USP13: variants seen among roughly 807,000 people sequenced by gnomAD.
USP13 encodes the protein ubiquitin specific peptidase 13.
USP13 carries 68 observed loss-of-function variants against 107.8 expected under a neutral mutation model. The ratio of observed to expected loss-of-function variants is 0.63; its 90% CI spans 0.52 to 0.77. The LOEUF is 0.77. Ranked by LOEUF, USP13 falls within the 30% of genes least tolerant of loss-of-function variation. The probability of loss-of-function intolerance (pLI) is 0.00; values close to 1 mark genes in which losing one functional copy is unlikely to be tolerated. For synonymous variants in USP13, 377 were observed against 389.5 expected (o/e 0.97, Z 0.38); for missense variants, 945 against 1,093.3 (o/e 0.86, Z 1.91).
chr3:179,775,363 GAC>G (rs779384664), intron 19 of USP13, among the ~76,000 whole-genome samples: 5 of 152,238 alleles, frequency 3.3e-5, no homozygotes, highest in Non-Finnish European at 7.3e-5. Flanking sequence ...CCCCAAGCTA[GAC>G]ACAGAGTGCT....
intron 6 of USP13, among the ~76,000 whole-genome samples, chr3:179,715,978 G>A (rs2108489724): frequency 6.6e-6 from 1 of 152,278 alleles, no homozygotes; most frequent in South Asian, 2.1e-4. Context: ...AGGCTGCAGT[G>A]CAGTGGTGTA....
At position 179,653,724 on chromosome 3, in the gene USP13, T is replaced by G; in HGVS notation, c.168+331T>G. The G allele has an allele frequency of 8.4e-6, 2 of 237,804 alleles. No homozygotes were observed. Among genetic ancestry groups the G allele is most frequent in the Non-Finnish European group, 1.6e-5 (2 of 121,478 alleles). The allele number at this position is 237,804 out of a possible 1,614,324, so 14.7% of individuals were successfully genotyped here. Reference sequence around the variant, plus strand: ...AACTGCACGTTGCAGATCGTTTGCGTCCTCCGCGGGGCAGAGCGCAGGGCG... The same window carrying G: ...AACTGCACGTTGCAGATCGTTTGCGGCCTCCGCGGGGCAGAGCGCAGGGCG... On this transcript the variant is annotated intron_variant, in intron 1 of 20. Transcript: ENST00000263966. The surrounding 1 kb of genome is among the most constrained non-coding windows in gnomAD (Gnocchi z 4.0).
intron 1 of USP13, among the ~76,000 whole-genome samples, chr3:179,671,391 T>G (rs1405022201): frequency 6.6e-6 from 1 of 152,094 alleles, no homozygotes; most frequent in Non-Finnish European, 1.5e-5. Flanking sequence ...ATATTTTAAT[T>G]AAAAAATGAA....
intron 6 of USP13, among the ~76,000 whole-genome samples, chr3:179,715,164 G>A (rs776021168): frequency 1.4e-5 from 2 of 147,776 alleles, no homozygotes; most frequent in Non-Finnish European, 3.0e-5. Context: ...TTATAGATGT[G>A]GGCCACTATG....
intron 4 of USP13, among the ~76,000 whole-genome samples, chr3:179,703,428 A>G (rs537965522): frequency 6.6e-6 from 1 of 152,326 alleles, no homozygotes; most frequent in Non-Finnish European, 1.5e-5. Flanking sequence ...GAGTGACTCT[A>G]TAGGTTCTAC....
chr3:179,675,629 C>A (rs886889093), intron 1 of USP13, among the ~76,000 whole-genome samples: 5 of 151,818 alleles, frequency 3.3e-5, no homozygotes, highest in Non-Finnish European at 5.9e-5. Context: ...CTCACTGCAA[C>A]CCCTGCCTCC....
rs190744869 is a variant in USP13, at chr3:179,750,940, A to T, written c.1710-1345A>T. Among the ~76,000 whole-genome samples the T allele has an allele frequency of 6.9e-3, 1,056 of 152,298 alleles. 4 individuals are homozygous for T. Among genetic ancestry groups the T allele is most frequent in the Non-Finnish European group, 9.7e-3 (657 of 68,014 alleles). ...CCCTGCGCTGTGCCTTTTCTCTGACACTAGGGGGAAGCAATACATTTGCAT... is the reference window on the plus strand; with the variant it reads ...CCCTGCGCTGTGCCTTTTCTCTGACTCTAGGGGGAAGCAATACATTTGCAT... On this transcript the variant is annotated intron_variant, in intron 13 of 20. Transcript: ENST00000263966.
At chr3:179,707,330 T>G (rs1306019298) in intron 5 of USP13, among the ~76,000 whole-genome samples, 1 of 151,920 alleles carries the variant, frequency 6.6e-6, no homozygotes, top group African/African-American at 2.4e-5. Context: ...GCATGAGAGC[T>G]TTTTCTGCTT....
intron 8 of USP13, among the ~76,000 whole-genome samples, chr3:179,725,158 G>A (rs1713467668): frequency 6.6e-6 from 1 of 152,202 alleles, no homozygotes; most frequent in Non-Finnish European, 1.5e-5. Flanking sequence ...GTTGCAGTGA[G>A]CCCAGATTGT....
chr3:179,768,811 AC>A (rs1228623410), intron 19 of USP13, among the ~76,000 whole-genome samples: 1 of 152,180 alleles, frequency 6.6e-6, no homozygotes, highest in Non-Finnish European at 1.5e-5. Context: ...CTACTATGTT[AC>A]ATTGCATGAA....
chr3:179,730,200 A>G lies in USP13; in HGVS notation c.1100A>G (p.Asn367Ser). 2 of 1,613,438 alleles carry G rather than the reference A, an allele frequency of 1.2e-6. No individual in the cohort carries two copies. The highest frequency in any genetic ancestry group is 1.7e-6 in the Non-Finnish European group (2 of 1,179,792). The change falls in exon 9 of 21, where the codon AAC (asparagine) becomes AGC (serine). Residue 367 changes from asparagine (N) to serine (S), a missense_variant. Coordinates refer to ENST00000263966, the MANE Select transcript of USP13 (RefSeq NM_003940.3). The part of the protein sequence containing the change: ...IPEFQRAYVG[N>S]LPRIFDYSPL... ...CTCTCATTTTCTAGGTATGTAGGAA[A>G]CCTTCCCAGAATATTTGACTACTCG...
At chr3:179,701,310 C>T (rs1008069858) in intron 4 of USP13, among the ~76,000 whole-genome samples, 181 bp downstream of exon 4, 9 of 152,082 alleles carry the variant, frequency 5.9e-5, no homozygotes, top group Non-Finnish European at 1.0e-4. Context: ...GGAGTCTTGC[C>T]GGCTTACATT....
intron 19 of USP13, among the ~76,000 whole-genome samples, chr3:179,773,019 T>C (rs925544953): frequency 6.6e-6 from 1 of 152,264 alleles, no homozygotes; most frequent in Admixed American, 6.5e-5. Context: ...GTTGGAGAGA[T>C]TGAACTTGTT....
At chr3:179,745,293 G>GGA in intron 13 of USP13, 76 bp downstream of exon 13, 1 of 1,380,212 alleles carries the variant, frequency 7.2e-7, no homozygotes, top group Non-Finnish European at 1.0e-6. Context: ...AGGGAAAGGG[G>GGA]GTGGGTGTTA....
chr3:179,670,858 T>C (rs1488928557), intron 1 of USP13, among the ~76,000 whole-genome samples: 2 of 151,908 alleles, frequency 1.3e-5, no homozygotes, highest in Non-Finnish European at 2.9e-5. Context: ...CCACCATGCC[T>C]GGCTAATTTT....
At chr3:179,710,490 G>A (rs1169185733) in intron 6 of USP13, among the ~76,000 whole-genome samples, 1 of 152,154 alleles carries the variant, frequency 6.6e-6, no homozygotes, top group East Asian at 1.9e-4. Context: ...ATAACTGTTC[G>A]TATATGCAGC....
intron 7 of USP13, among the ~76,000 whole-genome samples, chr3:179,720,894 C>T (rs903117218): frequency 5.3e-5 from 8 of 151,512 alleles, no homozygotes; most frequent in East Asian, 1.9e-4. Flanking sequence ...CTGAAACCTC[C>T]GCCTCCTGGG....
chr3:179,742,656 G>A lies in USP13; in HGVS notation c.1534+306G>A, dbSNP rs1383040233. ...GGGAAAATTATTGGTAATGATGTAT[G>A]TAGAAAATTCTTTAACACTGTCATT... On this transcript the variant is annotated intron_variant, in intron 12 of 20. Coordinates refer to ENST00000263966, the MANE Select transcript of USP13 (RefSeq NM_003940.3). This position sits in a 1 kb window ranked among gnomAD's most constrained non-coding sequence, Gnocchi z 5.0. Among the ~76,000 whole-genome samples the A allele has an allele frequency of 1.3e-5, 2 of 152,224 alleles. No homozygotes were observed. Among genetic ancestry groups the A allele is most frequent in the African/African-American group, 4.8e-5 (2 of 41,454 alleles).
At chr3:179,754,147 G>A (rs972388494) in intron 14 of USP13, among the ~76,000 whole-genome samples, 33 of 152,120 alleles carry the variant, frequency 2.2e-4, no homozygotes, top group African/African-American at 7.7e-4. Context: ...TAGCTATCTT[G>A]GTCTTGCTTG....
Sources: gnomAD v4.1 joint callset for allele counts (sites outside exome capture counted in the v4.1 genomes callset) on GRCh38, gnomAD v4.1.1 for gene constraint, Gnocchi (gnomAD v3.1) non-coding constraint, MANE v1.5 for transcripts, NCBI Gene and HGNC (gene_info 2026-07-23, HGNC 2026-07-21) for gene names.